Variants in WDPCP observed in about 807,000 individuals in gnomAD.
The protein encoded by WDPCP is WD repeat containing planar cell polarity effector.
A neutral mutation model predicts 93.1 loss-of-function variants in WDPCP; 71 were observed. The observed-to-expected ratio is 0.76, with a 90% CI of 0.63 to 0.93. The LOEUF (loss-of-function observed/expected upper bound fraction) is 0.93. Ranked by LOEUF, WDPCP falls within the 40% of genes least tolerant of loss-of-function variation. The pLI, the probability that WDPCP is intolerant of heterozygous loss-of-function variation, is 0.00. For missense variants in WDPCP, 844 were observed against 887.4 expected (o/e 0.95, Z 0.62); for synonymous variants, 315 against 315.0 (o/e 1.00, Z 0.00).
chr2:63,438,164 T>C, intron 7 of WDPCP: 8 of 259,908 alleles, frequency 3.1e-5, no homozygotes, highest in Non-Finnish European at 4.8e-5. Flanking sequence ...AAATAACTAA[T>C]ATTTGTGGAT....
intron 1 of WDPCP, among the ~76,000 whole-genome samples, chr2:63,568,457 G>A (rs564743052): frequency 1.3e-5 from 2 of 152,164 alleles, no homozygotes; most frequent in African/African-American, 2.4e-5. Flanking sequence ...TATTTGAAAC[G>A]CTTGTTTCCC....
intron 17 of WDPCP, among the ~76,000 whole-genome samples, chr2:63,131,757 G>A (rs1317135667): frequency 6.7e-6 from 1 of 149,786 alleles, no homozygotes; most frequent in East Asian, 1.9e-4. Flanking sequence ...ATCTAGTGGT[G>A]TTGACTATAC....
intron 2 of WDPCP, among the ~76,000 whole-genome samples, chr2:63,723,790 T>G (rs1484081070): frequency 2.6e-5 from 4 of 152,020 alleles, no homozygotes; most frequent in African/African-American, 9.7e-5. Context: ...TAAATGACAT[T>G]CTCATTTTGA....
chr2:63,553,006 T>C (rs928168013), intron 1 of WDPCP, among the ~76,000 whole-genome samples: 1 of 152,156 alleles, frequency 6.6e-6, no homozygotes, highest in Admixed American at 6.5e-5. Flanking sequence ...AAACTAAGAA[T>C]TATGAAATGA....
At chr2:63,149,329 C>T (rs1351377290) in intron 17 of WDPCP, among the ~76,000 whole-genome samples, 1 of 152,126 alleles carries the variant, frequency 6.6e-6, no homozygotes, top group African/African-American at 2.4e-5. Flanking sequence ...CACTACACAG[C>T]TACTAGGGAT....
chr2:63,697,426 T>C (rs992575711), intron 2 of WDPCP, among the ~76,000 whole-genome samples: 5 of 152,148 alleles, frequency 3.3e-5, no homozygotes, highest in Non-Finnish European at 7.3e-5. Flanking sequence ...GAAATGTTAA[T>C]CATTTATAAT....
At chr2:63,271,011 C>T (rs959339117) in intron 13 of WDPCP, among the ~76,000 whole-genome samples, 5 of 152,212 alleles carry the variant, frequency 3.3e-5, no homozygotes, top group African/African-American at 1.2e-4. Flanking sequence ...GACATTTCCC[C>T]CAACATCAGC....
chr2:63,525,900 TGTAATATAG>T (rs1445883681), intron 1 of WDPCP, among the ~76,000 whole-genome samples: 2 of 152,348 alleles, frequency 1.3e-5, no homozygotes, highest in African/African-American at 4.8e-5. Flanking sequence ...CATCTGTGTC[TGTAATATAG>T]GTAAGTCCCA....
At position 63,437,514 on chromosome 2, in the gene WDPCP, T is replaced by C. The variant is rs1261618666; in HGVS notation, c.540A>G (p.Ala180=). 1 of 1,598,362 alleles carries C rather than the reference T, an allele frequency of 6.3e-7. No homozygotes were observed. Among genetic ancestry groups the C allele is most frequent in the Non-Finnish European group, 8.5e-7 (1 of 1,172,934 alleles). Residue 180 remains alanine (A), a synonymous_variant, in exon 8 of 18, where the codon GCA becomes GCG. Transcript: ENST00000272321. ...ACTGAATAAAACATAGTTTGTTTTG[T>C]GCCAAAAATGATAAGATGATAAAAC... ...TDSFIILSFL[A]QNKLCFIQFT... is the part of the protein sequence containing the mutation.
chr2:63,614,145 A>G (rs138305168), intron 3 of WDPCP, among the ~76,000 whole-genome samples: 192 of 152,258 alleles, frequency 1.3e-3, no homozygotes, highest in South Asian at 7.1e-3. Flanking sequence ...GGCTCATTCA[A>G]TTATCCTGAA....
intron 14 of WDPCP, among the ~76,000 whole-genome samples, chr2:63,192,717 T>C (rs1042933622): frequency 2.2e-4 from 33 of 152,364 alleles, no homozygotes; most frequent in African/African-American, 6.7e-4. Flanking sequence ...AGAGAACTTA[T>C]TGCTGTTATA....
chr2:63,528,943 T>G (rs951993966), intron 1 of WDPCP, among the ~76,000 whole-genome samples: 2 of 152,214 alleles, frequency 1.3e-5, no homozygotes, highest in Admixed American at 6.5e-5. Flanking sequence ...CCTAGTAAGT[T>G]GGATTCCTAG....
intron 2 of WDPCP, among the ~76,000 whole-genome samples, chr2:63,708,934 A>T (rs113929024): frequency 0.018 from 2,579 of 147,222 alleles, 23 homozygotes; most frequent in African/African-American, 0.019. Context: ...CTTAAACAGA[A>T]TGGGAAATTT....
chr2:63,812,912 C>A (rs1670882771), intron 2 of WDPCP, among the ~76,000 whole-genome samples: 1 of 151,392 alleles, frequency 6.6e-6, no homozygotes, highest in Admixed American at 6.6e-5. Flanking sequence ...GAGTCTCACT[C>A]TGGTGCCCAA....
chr2:63,183,816 G>A (rs1348092244), intron 14 of WDPCP, among the ~76,000 whole-genome samples: 3 of 152,016 alleles, frequency 2.0e-5, no homozygotes, highest in Non-Finnish European at 4.4e-5. Context: ...TGTTTGGTGT[G>A]TATATATTCA....
intron 3 of WDPCP, among the ~76,000 whole-genome samples, chr2:63,620,425 A>G (rs1247525292): frequency 1.3e-5 from 2 of 152,188 alleles, no homozygotes; most frequent in East Asian, 3.9e-4. Context: ...AACTGAGTAG[A>G]GCCCACTGCA....
chr2:63,337,692 G>A (rs777378824), intron 12 of WDPCP, among the ~76,000 whole-genome samples: 4 of 152,102 alleles, frequency 2.6e-5, no homozygotes, highest in Admixed American at 6.5e-5. Context: ...GATACAAGTC[G>A]TTTTAACTGG....
chr2:63,268,812 T>TA (rs1682379170), intron 13 of WDPCP, among the ~76,000 whole-genome samples: 1 of 152,132 alleles, frequency 6.6e-6, no homozygotes, highest in Admixed American at 6.6e-5. Flanking sequence ...GTTATGATCA[T>TA]AAAAAATAAA....
intron 6 of WDPCP, among the ~76,000 whole-genome samples, chr2:63,451,490 T>C (rs188798801): frequency 1.3e-5 from 2 of 152,254 alleles, no homozygotes; most frequent in East Asian, 1.9e-4. Context: ...ACCAGACGGA[T>C]TCACAGCTGA....
Sources: gnomAD v4.1 joint callset for allele counts (sites outside exome capture counted in the v4.1 genomes callset) on GRCh38, gnomAD v4.1.1 for gene constraint, MANE v1.5 for transcripts, NCBI Gene and HGNC (gene_info 2026-07-23, HGNC 2026-07-21) for gene names.